NID2: variants seen among roughly 807,000 people sequenced by gnomAD.
The protein encoded by NID2 is nidogen-2.
In NID2, 83 loss-of-function variants were observed where a neutral mutation model predicts 145.4. The ratio of observed to expected loss-of-function variants is 0.57; its 90% CI spans 0.48 to 0.69. The LOEUF (loss-of-function observed/expected upper bound fraction) is 0.69. NID2 is among the 30% of genes least tolerant of loss of function. The pLI is 0.00. For missense variants in NID2, 1,807 were observed against 1,765.7 expected (o/e 1.02, Z -0.42); for synonymous variants, 739 against 701.3 (o/e 1.05, Z -0.85).
In NID2 at chr14:52,020,195, CAG is replaced by C; in HGVS notation, c.2675-19_2675-18del. ...CATCTACATCTGCAGAGGTCAGAAA[CAG>C]AAGAAAGAAGCAAAGAACACTATGA... On this transcript the variant is annotated intron_variant, in intron 12 of 21. Coordinates refer to ENST00000216286, the MANE Select transcript of NID2 (RefSeq NM_007361.4). 1 of 1,612,920 alleles carries C rather than the reference CAG, an allele frequency of 6.2e-7. No individual in the cohort carries two copies. The highest frequency in any genetic ancestry group is 1.1e-5 in the South Asian group (1 of 91,044).
intron 5 of NID2, among the ~76,000 whole-genome samples, chr14:52,045,631 G>C (rs1475869017): frequency 6.6e-6 from 1 of 151,098 alleles, no homozygotes; most frequent in Non-Finnish European, 1.5e-5. Flanking sequence ...CTGTCTATTA[G>C]TTTAAGAAAG....
intron 16 of NID2, among the ~76,000 whole-genome samples, chr14:52,013,276 T>C (rs1164834209): frequency 6.6e-6 from 1 of 152,242 alleles, no homozygotes; most frequent in African/African-American, 2.4e-5. Flanking sequence ...AATCAAGCTC[T>C]ATGACTTGAA....
chr14:52,015,011 C>A (rs963961937), intron 15 of NID2, 43 bp downstream of exon 15: 3 of 1,523,754 alleles, frequency 2.0e-6, no homozygotes, highest in African/African-American at 2.7e-5. Flanking sequence ...CTAGCAAAGG[C>A]CTTAGATACA....
At chr14:52,064,794 C>T (rs538832190) in intron 2 of NID2, among the ~76,000 whole-genome samples, 11 of 152,308 alleles carry the variant, frequency 7.2e-5, no homozygotes, top group Middle Eastern at 3.4e-3. Flanking sequence ...CTTGATACCT[C>T]ATTCTCAATA....
At chr14:52,013,387 A>G (rs1891101944) in intron 16 of NID2, among the ~76,000 whole-genome samples, 1 of 152,256 alleles carries the variant, frequency 6.6e-6, no homozygotes, top group Non-Finnish European at 1.5e-5. Flanking sequence ...GGGAGGGGAC[A>G]GGACCCAACA....
chr14:52,010,531 T>A (rs1192286465), intron 18 of NID2: 2 of 180,002 alleles, frequency 1.1e-5, no homozygotes, highest in Admixed American at 1.1e-4. Flanking sequence ...GAATCCCACT[T>A]CACTTCCAGT....
chr14:52,009,353 T>G (rs1890920290), intron 18 of NID2: 1 of 152,232 alleles, frequency 6.6e-6, no homozygotes, highest in Non-Finnish European at 1.5e-5. Flanking sequence ...TGTAAATTAT[T>G]TGGGGATTGC....
chr14:52,027,844 C>T (rs1397280719), intron 11 of NID2, among the ~76,000 whole-genome samples: 1 of 152,012 alleles, frequency 6.6e-6, no homozygotes, highest in Non-Finnish European at 1.5e-5. Context: ...CTGCCTCAGC[C>T]TCCTGAGTAG....
chr14:52,058,773 C>T (rs183854451), intron 3 of NID2, among the ~76,000 whole-genome samples: 11 of 152,100 alleles, frequency 7.2e-5, no homozygotes, highest in Admixed American at 5.9e-4. Context: ...ATGTGCAGGA[C>T]CAGTGTCTTA....
intron 11 of NID2, among the ~76,000 whole-genome samples, chr14:52,028,156 G>T (rs1891657128): frequency 6.6e-6 from 1 of 152,136 alleles, no homozygotes; most frequent in Admixed American, 6.5e-5. Context: ...GACTGGGCCA[G>T]AAATCCCAAC....
intron 9 of NID2, among the ~76,000 whole-genome samples, chr14:52,033,989 TG>T (rs1470641248): frequency 1.3e-5 from 2 of 152,162 alleles, no homozygotes; most frequent in African/African-American, 4.8e-5. Context: ...TCTCATCATC[TG>T]TAAAATGGGA....
intron 19 of NID2, 43 bp from the exon 20 acceptor site, chr14:52,006,703 G>A: frequency 6.2e-7 from 1 of 1,606,960 alleles, no homozygotes; most frequent in South Asian, 1.1e-5. Context: ...CAGCTGCTTT[G>A]CCAAAAATGA....
intron 12 of NID2, among the ~76,000 whole-genome samples, chr14:52,024,883 T>C (rs138760830): frequency 7.2e-5 from 11 of 151,898 alleles, no homozygotes; most frequent in African/African-American, 2.4e-4. Flanking sequence ...GCAGGACAAG[T>C]AGAAGAAAAA....
rs183788962 is a variant in NID2 at position 52,038,845 on chromosome 14, G to T, written c.2159C>A (p.Thr720Asn). 1 of 1,614,014 alleles carries T rather than the reference G, an allele frequency of 6.2e-7. No homozygotes were observed. Among genetic ancestry groups the T allele is most frequent in the Admixed American group, 1.7e-5 (1 of 59,992 alleles). ...CCGGTCCACGTTCAGCTGCTGGGTG[G>T]TGGGGAAGGACGGGTGTCTGGGGGC... ...RHAPRHPSFPTTQQLNVDRVF... is the reference protein window; with the variant it reads ...RHAPRHPSFPNTQQLNVDRVF... Residue 720 changes from threonine to asparagine, a missense_variant, in exon 9 of 22, where the codon ACC becomes AAC. Coordinates refer to ENST00000216286, the MANE Select transcript of NID2 (RefSeq NM_007361.4).
intron 3 of NID2, among the ~76,000 whole-genome samples, chr14:52,059,110 C>A (rs1343074167): frequency 6.6e-6 from 1 of 152,208 alleles, no homozygotes; most frequent in Non-Finnish European, 1.5e-5. Context: ...TCCCTAAGCT[C>A]CTCTGTAAAA....
In NID2 at chr14:52,005,255, C is replaced by CTGT. The variant is rs573921017; in HGVS notation, c.*228_*230dup. ...GCTTTAATAAGCAACAGTTAAAATT[C>CTGT]TGTTACCTTTTTAAACTTGCAATAA... On this transcript the variant is annotated 3_prime_UTR_variant, in exon 22 of 22. Transcript: ENST00000216286. 5.7e-4 allele frequency: 222 copies of CTGT among 386,116 alleles called. 1 individual carries two copies. The highest frequency in any genetic ancestry group is 4.1e-3 in the African/African-American group (197 of 47,980). The allele number at this position is 386,116 out of a possible 1,614,324, so 23.9% of individuals were successfully genotyped here.
At chr14:52,017,437 C>T (rs995701096) in intron 14 of NID2, among the ~76,000 whole-genome samples, 1 of 152,102 alleles carries the variant, frequency 6.6e-6, no homozygotes, top group Non-Finnish European at 1.5e-5. Flanking sequence ...GCCAAACCAG[C>T]GCCGAGAGAG....
chr14:52,038,284 T>A (rs1310822025), intron 9 of NID2, among the ~76,000 whole-genome samples: 1 of 152,214 alleles, frequency 6.6e-6, no homozygotes, highest in East Asian at 1.9e-4. Context: ...TTCCAGATAC[T>A]AGCTCTTTGC....
intron 12 of NID2, among the ~76,000 whole-genome samples, chr14:52,025,486 A>G (rs530971518): frequency 1.3e-5 from 2 of 152,338 alleles, no homozygotes; most frequent in Non-Finnish European, 2.9e-5. Flanking sequence ...CATCTGTATT[A>G]GTCAATTTCC....
Sources: allele counts gnomAD v4.1 joint callset (sites outside exome capture counted in the v4.1 genomes callset), GRCh38; gene constraint gnomAD v4.1.1; transcripts MANE v1.5; gene names NCBI Gene and HGNC (gene_info 2026-07-23, HGNC 2026-07-21).